BNC2: variants seen among roughly 807,000 people sequenced by gnomAD.
BNC2 encodes the protein zinc finger protein basonuclin-2.
In BNC2, 20 loss-of-function variants were observed where a neutral mutation model predicts 76.3. The ratio of observed to expected loss-of-function variants is 0.26; its 90% CI spans 0.18 to 0.38. The LOEUF (loss-of-function observed/expected upper bound fraction) is 0.38, where lower values mean the gene tolerates loss of function less well. Among genes scored for constraint, BNC2 ranks in the 10% least tolerant of loss-of-function variants. The pLI, the probability that BNC2 is intolerant of heterozygous loss-of-function variation, is 1.00. For missense variants in BNC2, 1,382 were observed against 1,399.8 expected (o/e 0.99, Z 0.20); for synonymous variants, 582 against 514.8 (o/e 1.13, Z -1.77).
chr9:16,780,235 CAAAAAAAAAAA>C (rs372583425), intron 1 of BNC2, among the ~76,000 whole-genome samples: 11 of 66,310 alleles, frequency 1.7e-4, no homozygotes, highest in African/African-American at 3.1e-4. Flanking sequence ...GACTTCGTTT[CAAAAAAAAAAA>C]AAAAAAAAAA....
At chr9:16,473,791 C>G (rs558894825) in intron 5 of BNC2, among the ~76,000 whole-genome samples, 201 of 152,090 alleles carry the variant, frequency 1.3e-3, no homozygotes, top group Non-Finnish European at 2.1e-3. Context: ...GAGAATCACT[C>G]GAACCCAGGA....
At chr9:16,670,334 G>C (rs183701416) in intron 3 of BNC2, among the ~76,000 whole-genome samples, 51 of 152,162 alleles carry the variant, frequency 3.4e-4, no homozygotes, top group African/African-American at 8.0e-4. Flanking sequence ...AAATATATTA[G>C]AGACAAGGTC....
chr9:16,508,034 T>C (rs140196813), intron 5 of BNC2, among the ~76,000 whole-genome samples: 4 of 152,214 alleles, frequency 2.6e-5, no homozygotes, highest in Non-Finnish European at 2.9e-5. Context: ...AGGCACAGAG[T>C]ATAAGAAGAT....
intron 1 of BNC2, among the ~76,000 whole-genome samples, chr9:16,778,232 T>C (rs948006559): frequency 1.3e-5 from 2 of 152,210 alleles, no homozygotes; most frequent in African/African-American, 2.4e-5. Flanking sequence ...ATTGTAAAGA[T>C]ACATACACAC....
At chr9:16,541,568 A>G (rs182164664) in intron 5 of BNC2, among the ~76,000 whole-genome samples, 98 of 152,354 alleles carry the variant, frequency 6.4e-4, no homozygotes, top group Non-Finnish European at 7.2e-4. Context: ...AGAGACAAGT[A>G]GCTCTTAATT....
intron 1 of BNC2, among the ~76,000 whole-genome samples, chr9:16,769,096 G>T (rs1825768127): frequency 6.6e-6 from 1 of 152,178 alleles, no homozygotes; most frequent in Non-Finnish European, 1.5e-5. Context: ...ATTACAAATA[G>T]GACCCTGGAA....
At chr9:16,745,002 G>C (rs181171146) in intron 1 of BNC2, among the ~76,000 whole-genome samples, 22 of 152,320 alleles carry the variant, frequency 1.4e-4, no homozygotes, top group Non-Finnish European at 1.2e-4. Context: ...AAGTGCTTAA[G>C]TGTCAGAGTT....
intron 1 of BNC2, among the ~76,000 whole-genome samples, chr9:16,755,969 A>G (rs972233846): frequency 6.6e-6 from 1 of 152,180 alleles, no homozygotes; most frequent in African/African-American, 2.4e-5. Flanking sequence ...AGTTTTTACA[A>G]TGTAGAGATA....
chr9:16,427,766 A>T (rs983674619), intron 6 of BNC2, among the ~76,000 whole-genome samples: 2 of 152,124 alleles, frequency 1.3e-5, no homozygotes, highest in African/African-American at 2.4e-5. Context: ...AATGGAAGGT[A>T]ATCTAACTAC....
At chr9:16,545,505 T>C (rs1818453822) in intron 5 of BNC2, among the ~76,000 whole-genome samples, 1 of 152,298 alleles carries the variant, frequency 6.6e-6, no homozygotes, top group Non-Finnish European at 1.5e-5. Flanking sequence ...ACACATCTAG[T>C]AAGACCTGAA....
intron 5 of BNC2, among the ~76,000 whole-genome samples, chr9:16,439,187 T>C (rs939699704): frequency 6.6e-6 from 1 of 152,230 alleles, no homozygotes; most frequent in Admixed American, 6.5e-5. Context: ...ATTAAAACTC[T>C]TTCCTTTATA....
At chr9:16,543,842 G>T (rs1220065235) in intron 5 of BNC2, among the ~76,000 whole-genome samples, 1 of 152,138 alleles carries the variant, frequency 6.6e-6, no homozygotes. Context: ...CTCTAATAGG[G>T]AGGTTAGGAG....
At chr9:16,781,444 G>C (rs1826152134) in intron 1 of BNC2, among the ~76,000 whole-genome samples, 1 of 152,192 alleles carries the variant, frequency 6.6e-6, no homozygotes, top group Non-Finnish European at 1.5e-5. Flanking sequence ...CCAGGTTCAA[G>C]CAATTCTCCT....
intron 1 of BNC2, among the ~76,000 whole-genome samples, chr9:16,862,514 C>G (rs1934280): frequency 0.29 from 44,728 of 152,070 alleles, 7,907 homozygotes; most frequent in East Asian, 0.69. Context: ...ATAGATACCC[C>G]GTCCCAGCGC....
intron 1 of BNC2, among the ~76,000 whole-genome samples, chr9:16,796,656 AAAAAG>A (rs911069850): frequency 2.0e-5 from 3 of 152,074 alleles, no homozygotes; most frequent in African/African-American, 7.2e-5. Context: ...AAAGAGAAAA[AAAAAG>A]AAAGAAAAGA....
At chr9:16,538,656 C>T (rs2132325401) in intron 5 of BNC2, among the ~76,000 whole-genome samples, 1 of 152,176 alleles carries the variant, frequency 6.6e-6, no homozygotes, top group African/African-American at 2.4e-5. Flanking sequence ...AGTGGGTTTT[C>T]CATAATGGAC....
chr9:16,703,955 C>G (rs1020233063), intron 3 of BNC2, among the ~76,000 whole-genome samples: 2 of 152,068 alleles, frequency 1.3e-5, no homozygotes, highest in African/African-American at 4.8e-5. Context: ...AAAATAACAT[C>G]TGAACAGGAA....
At chr9:16,633,241 C>T (rs1392965252) in intron 3 of BNC2, among the ~76,000 whole-genome samples, 2 of 151,814 alleles carry the variant, frequency 1.3e-5, no homozygotes, top group African/African-American at 2.4e-5. Flanking sequence ...TACTGAAATA[C>T]GATGGCCCTG....
chr9:16,727,577 G>T, intron 3 of BNC2: 1 of 549,824 alleles, frequency 1.8e-6, no homozygotes. Flanking sequence ...CTTTTACTTC[G>T]GTATCCTTTC....
Sources: allele counts gnomAD v4.1 joint callset (sites outside exome capture counted in the v4.1 genomes callset), GRCh38; gene constraint gnomAD v4.1.1; transcripts MANE v1.5; gene names NCBI Gene and HGNC (gene_info 2026-07-23, HGNC 2026-07-21).